ZFR: variants seen among roughly 807,000 people sequenced by gnomAD.
ZFR encodes zinc finger RNA binding protein.
Under a neutral mutation model 130.7 loss-of-function variants are expected in ZFR, and 19 were observed. The observed-to-expected ratio is 0.15, with a 90% confidence interval of 0.10 to 0.21. ZFR has a LOEUF of 0.21. ZFR is among the 10% of genes least tolerant of loss of function. The pLI is 1.00. For synonymous variants in ZFR, 466 were observed against 456.9 expected (o/e 1.02, Z -0.25); for missense variants, 872 against 1,321.5 (o/e 0.66, Z 5.27).
chr5:32,373,938 T>TA (rs1444787030), intron 17 of ZFR, among the ~76,000 whole-genome samples: 5 of 152,180 alleles, frequency 3.3e-5, no homozygotes, highest in African/African-American at 7.2e-5. Flanking sequence ...TCTCAGTTCT[T>TA]ACGGCTCTCT....
At chr5:32,383,052 G>C (rs1752966157) in intron 15 of ZFR, among the ~76,000 whole-genome samples, 1 of 152,156 alleles carries the variant, frequency 6.6e-6, no homozygotes, top group Non-Finnish European at 1.5e-5. Context: ...ACTATTTTAA[G>C]ATTAAACGTT....
At chr5:32,427,315 G>A (rs1308636350) in intron 2 of ZFR, among the ~76,000 whole-genome samples, 1 of 147,500 alleles carries the variant, frequency 6.8e-6, no homozygotes, top group Admixed American at 6.8e-5. Context: ...AGCCCAGGAG[G>A]TCAGGGCTGC....
At chr5:32,396,887 C>A (rs1753326285) in intron 10 of ZFR, among the ~76,000 whole-genome samples, 1 of 152,132 alleles carries the variant, frequency 6.6e-6, no homozygotes, top group Non-Finnish European at 1.5e-5. Flanking sequence ...GGGAATTCTA[C>A]CAGATAAAGA....
intron 2 of ZFR, among the ~76,000 whole-genome samples, chr5:32,428,829 C>A (rs1754134049): frequency 6.6e-6 from 1 of 152,194 alleles, no homozygotes; most frequent in Non-Finnish European, 1.5e-5. Context: ...AGGCTCCAAT[C>A]TCTCAGCTTA....
chr5:32,415,287 T>C (rs1042700796), intron 4 of ZFR, 100 bp from the exon 5 acceptor site: 40 of 1,050,836 alleles, frequency 3.8e-5, no homozygotes, highest in Admixed American at 1.6e-4. Context: ...ACAAACATCA[T>C]TAACTATAAA....
chr5:32,397,152 G>A, intron 10 of ZFR, 67 bp downstream of exon 10: 1 of 1,523,108 alleles, frequency 6.6e-7, no homozygotes, highest in African/African-American at 1.4e-5. Context: ...TTTACATAAA[G>A]AATGCTCTGG....
At chr5:32,395,664 G>C (rs981104548) in intron 10 of ZFR, among the ~76,000 whole-genome samples, 7 of 152,092 alleles carry the variant, frequency 4.6e-5, no homozygotes, top group Admixed American at 4.6e-4. Flanking sequence ...ACCCCTGAGA[G>C]AGTAAGACCA....
At position 32,379,427 on chromosome 5, in the gene ZFR, T is replaced by C; in HGVS notation, c.2740-217A>G. ...TATTTAGGTCAAAGTAAACAGATTA[T>C]ACAAGAATAATATTTCTTGATCCCC... On this transcript the variant is annotated intron_variant, in intron 16 of 19. Transcript: ENST00000265069. 15 of 544,084 alleles carry C rather than the reference T, an allele frequency of 2.8e-5. No homozygotes were observed. The South Asian group carries it at 3.0e-4, about 11-fold the overall frequency. The allele number at this position is 544,084 out of a possible 1,614,324, so 33.7% of individuals were successfully genotyped here.
At chr5:32,417,627 C>G (rs1298785985) in intron 4 of ZFR, 21 bp downstream of exon 4, 1 of 1,610,092 alleles carries the variant, frequency 6.2e-7, no homozygotes, top group Admixed American at 1.7e-5. Flanking sequence ...CAAAGAAACT[C>G]TGTAGGTTAA....
chr5:32,429,367 T>C (rs1180585673), intron 2 of ZFR, among the ~76,000 whole-genome samples: 2 of 152,184 alleles, frequency 1.3e-5, no homozygotes, highest in Admixed American at 1.3e-4. Flanking sequence ...GAGAAAAGAC[T>C]TTCCTGACAG....
At chr5:32,382,649 G>A (rs779578092) in intron 15 of ZFR, among the ~76,000 whole-genome samples, 2 of 151,582 alleles carry the variant, frequency 1.3e-5, no homozygotes, top group Non-Finnish European at 2.9e-5. Context: ...CACTCTTGTC[G>A]CCCAGGCCAG....
At chr5:32,356,570 G>C (rs923496889) in intron 19 of ZFR, among the ~76,000 whole-genome samples, 3 of 151,700 alleles carry the variant, frequency 2.0e-5, no homozygotes, top group African/African-American at 7.3e-5. Flanking sequence ...CCGCCACCAC[G>C]CCTGGCTAAT....
At chr5:32,405,026 C>A (rs1203215638) in intron 6 of ZFR, among the ~76,000 whole-genome samples, 1 of 152,166 alleles carries the variant, frequency 6.6e-6, no homozygotes, top group Non-Finnish European at 1.5e-5. Flanking sequence ...CCATGTTGCC[C>A]AGGCTGGTCT....
chr5:32,391,974 T>C (rs1412005716), intron 11 of ZFR, among the ~76,000 whole-genome samples: 1 of 152,140 alleles, frequency 6.6e-6, no homozygotes, highest in Non-Finnish European at 1.5e-5. Context: ...GCTCAACTGA[T>C]TGCCCGCCTT....
intron 2 of ZFR, among the ~76,000 whole-genome samples, chr5:32,420,891 G>A (rs1272526018): frequency 6.6e-6 from 1 of 152,168 alleles, no homozygotes; most frequent in African/African-American, 2.4e-5. Context: ...ACATTTTCCA[G>A]CTTACAGGGA....
At chr5:32,442,529 T>G (rs1277400150) in intron 2 of ZFR, among the ~76,000 whole-genome samples, 1 of 152,260 alleles carries the variant, frequency 6.6e-6, no homozygotes, top group Admixed American at 6.5e-5. Flanking sequence ...ATACTTGAAA[T>G]GCCCCCAAGA....
At chr5:32,358,251 G>A (rs1336845408) in intron 19 of ZFR, among the ~76,000 whole-genome samples, 1 of 152,210 alleles carries the variant, frequency 6.6e-6, no homozygotes, top group East Asian at 1.9e-4. Flanking sequence ...CAGCTACTTT[G>A]GAGGCTGAGG....
chr5:32,391,705 C>T (rs559094372), intron 11 of ZFR, among the ~76,000 whole-genome samples: 34 of 152,060 alleles, frequency 2.2e-4, no homozygotes, highest in South Asian at 6.2e-4. Context: ...GAAAGAAGTG[C>T]GCTTCCTGAC....
At chr5:32,405,205 G>C (rs1336725402) in intron 6 of ZFR, among the ~76,000 whole-genome samples, 1 of 152,152 alleles carries the variant, frequency 6.6e-6, no homozygotes, top group Non-Finnish European at 1.5e-5. Flanking sequence ...CAATTATTTA[G>C]GGCAAGTCCT....
Sources: gnomAD v4.1 joint callset for allele counts (sites outside exome capture counted in the v4.1 genomes callset) on GRCh38, gnomAD v4.1.1 for gene constraint, MANE v1.5 for transcripts, NCBI Gene and HGNC (gene_info 2026-07-23, HGNC 2026-07-21) for gene names.